EYS: variants seen among roughly 807,000 people sequenced by gnomAD.
EYS encodes EGF-like photoreceptor maintenance factor.
Under a neutral mutation model 282.1 loss-of-function variants are expected in EYS, and 250 were observed. The ratio of observed to expected loss-of-function variants is 0.89; its 90% CI spans 0.80 to 0.98. The LOEUF (loss-of-function observed/expected upper bound fraction) is 0.98, where lower values mean the gene tolerates loss of function less well. EYS is among the 50% of genes least tolerant of loss of function. EYS has a pLI of 0.00. For synonymous variants in EYS, 1,355 were observed against 1,282.9 expected (o/e 1.06, Z -1.20); for missense variants, 4,016 against 3,709.0 (o/e 1.08, Z -2.15).
intron 12 of EYS, among the ~76,000 whole-genome samples, chr6:65,131,515 G>A (rs539535660): frequency 1.2e-4 from 18 of 151,950 alleles, no homozygotes; most frequent in South Asian, 8.3e-4. Flanking sequence ...CAGAAATCAC[G>A]AAGTTCTTTG....
intron 5 of EYS, among the ~76,000 whole-genome samples, chr6:65,477,594 G>C (rs1459044747): frequency 6.6e-6 from 1 of 152,092 alleles, no homozygotes; most frequent in Non-Finnish European, 1.5e-5. Context: ...CATTCTACAA[G>C]GGAAGCCAAT....
At chr6:64,769,625 G>A (rs895944424) in intron 22 of EYS, among the ~76,000 whole-genome samples, 1 of 151,882 alleles carries the variant, frequency 6.6e-6, no homozygotes, top group Non-Finnish European at 1.5e-5. Context: ...TTTAAACATC[G>A]TTTTATAAAT....
intron 31 of EYS, among the ~76,000 whole-genome samples, chr6:64,121,818 C>T (rs567209165): frequency 1.3e-5 from 2 of 152,218 alleles, no homozygotes; most frequent in South Asian, 4.1e-4. Context: ...CCTTTTTCTA[C>T]TTTGCAGCAT....
chr6:63,998,654 G>T (rs976518845), intron 34 of EYS, among the ~76,000 whole-genome samples: 1 of 152,148 alleles, frequency 6.6e-6, no homozygotes, highest in Admixed American at 6.5e-5. Flanking sequence ...GTTTCTAAGA[G>T]AAATTTTCTG....
chr6:63,976,491 G>C (rs919521227), intron 35 of EYS, among the ~76,000 whole-genome samples: 8 of 152,024 alleles, frequency 5.3e-5, no homozygotes, highest in African/African-American at 1.9e-4. Context: ...TGGTTTGATG[G>C]AGGCGCAAAT....
chr6:65,166,415 A>G (rs1764972620), intron 12 of EYS, among the ~76,000 whole-genome samples: 1 of 151,220 alleles, frequency 6.6e-6, no homozygotes, highest in Non-Finnish European at 1.5e-5. Context: ...TTGTGAATCC[A>G]GTTATATTTC....
intron 12 of EYS, among the ~76,000 whole-genome samples, chr6:65,185,410 A>G (rs1437872883): frequency 6.6e-6 from 1 of 151,848 alleles, no homozygotes; most frequent in African/African-American, 2.4e-5. Context: ...TCAGAGCAGC[A>G]TCCAGTTTTA....
intron 5 of EYS, among the ~76,000 whole-genome samples, chr6:65,406,393 T>C (rs1766742969): frequency 1.3e-5 from 2 of 152,056 alleles, no homozygotes; most frequent in African/African-American, 2.4e-5. Context: ...ATAGCAAAAG[T>C]TTTTATTTCA....
At chr6:65,537,226 A>G (rs574315175) in intron 2 of EYS, among the ~76,000 whole-genome samples, 17 of 152,202 alleles carry the variant, frequency 1.1e-4, no homozygotes, top group African/African-American at 3.9e-4. Context: ...ATGAATAGCA[A>G]TAGGAGAAAT....
At chr6:65,415,311 C>T (rs116683967) in intron 5 of EYS, among the ~76,000 whole-genome samples, 2,059 of 151,990 alleles carry the variant, frequency 0.014, 15 homozygotes, top group Non-Finnish European at 0.021. Flanking sequence ...CACTCCAGAC[C>T]AACTGAAGGC....
chr6:64,732,969 C>T (rs917934283), intron 22 of EYS, among the ~76,000 whole-genome samples: 3 of 152,206 alleles, frequency 2.0e-5, no homozygotes, highest in African/African-American at 7.2e-5. Context: ...AGTTTCAGTG[C>T]TGTGTTGTGC....
At chr6:65,354,916 A>T (rs1338462663) in intron 8 of EYS, among the ~76,000 whole-genome samples, 1 of 152,138 alleles carries the variant, frequency 6.6e-6, no homozygotes, top group African/African-American at 2.4e-5. Flanking sequence ...CAATTTTATG[A>T]TATATTTCCA....
intron 13 of EYS, among the ~76,000 whole-genome samples, chr6:65,007,112 G>A (rs920345575): frequency 2.0e-5 from 3 of 152,088 alleles, no homozygotes; most frequent in African/African-American, 4.8e-5. Flanking sequence ...CAAGAGAGGC[G>A]GGTAAAACAG....
chr6:64,439,221 C>T lies in EYS; in HGVS notation c.5776G>A (p.Asp1926Asn). The change falls in exon 27 of 43, where the codon GAC becomes AAC. Residue 1926 changes from aspartate to asparagine, a missense_variant. Coordinates refer to ENST00000503581, the MANE Select transcript of EYS (RefSeq NM_001142800.2). The part of the protein sequence containing the change: ...SYGLLLYVKQ[D>N]SNLVDGFFIQ... ...AAAAATCCATCTACTAAATTTGAGT[C>T]TTGCTTGACATACAGCAGAAGTCCA... 1 of 1,485,130 alleles carries T rather than the reference C, an allele frequency of 6.7e-7. No homozygotes were observed. Among genetic ancestry groups the T allele is most frequent in the Non-Finnish European group, 8.9e-7 (1 of 1,118,180 alleles). 92.0% of individuals were successfully genotyped at this position (1,485,130 alleles called of 1,614,324 possible).
chr6:65,054,317 G>A lies in EYS; in HGVS notation c.2137+3297C>T, dbSNP rs370592405. 8.6e-4 allele frequency among the ~76,000 whole-genome samples: 131 copies of A among 151,976 alleles called. 5 individuals carry two copies. The South Asian group carries it at 0.026, about 30-fold the overall frequency. On this transcript the variant is annotated intron_variant, in intron 13 of 42. Transcript: ENST00000503581. The stretch of plus-strand genomic sequence containing the variant: ...GGTCTGTGAACATCTTTTCATATAA[G>A]AATTAGGGACCTATACTCTTCCATC...
intron 31 of EYS, among the ~76,000 whole-genome samples, chr6:64,202,910 G>A (rs1765506288): frequency 1.3e-5 from 2 of 152,182 alleles, no homozygotes; most frequent in Admixed American, 6.5e-5. Flanking sequence ...TGGAGAAAGT[G>A]TGGCCATGCC....
chr6:65,310,303 C>T (rs1384004914), intron 11 of EYS, among the ~76,000 whole-genome samples: 2 of 152,130 alleles, frequency 1.3e-5, no homozygotes, highest in Non-Finnish European at 2.9e-5. Context: ...GAGATCATGA[C>T]ACTGCACTCC....
At chr6:64,279,220 A>T (rs987600332) in intron 30 of EYS, among the ~76,000 whole-genome samples, 2 of 152,210 alleles carry the variant, frequency 1.3e-5, no homozygotes, top group Admixed American at 6.5e-5. Flanking sequence ...AAACATTAAT[A>T]ACTTGAGATG....
At chr6:64,039,475 A>G (rs1397544635) in intron 33 of EYS, among the ~76,000 whole-genome samples, 1 of 152,214 alleles carries the variant, frequency 6.6e-6, no homozygotes, top group African/African-American at 2.4e-5. Context: ...AGGGATAAAT[A>G]AAAGAGGAAG....
Sources: allele counts gnomAD v4.1 joint callset (sites outside exome capture counted in the v4.1 genomes callset), GRCh38; gene constraint gnomAD v4.1.1; transcripts MANE v1.5; gene names NCBI Gene and HGNC (gene_info 2026-07-23, HGNC 2026-07-21).